ANKS1A: variants seen among roughly 807,000 people sequenced by gnomAD.
The protein encoded by ANKS1A is ankyrin repeat and sterile alpha motif domain containing 1A.
ANKS1A carries 55 observed loss-of-function variants against 120.3 expected under a neutral mutation model. That is an observed-to-expected ratio of 0.46 (90% CI 0.37 to 0.57). The LOEUF is 0.57. ANKS1A is among the 20% of genes least tolerant of loss of function. The pLI, the probability that ANKS1A is intolerant of heterozygous loss-of-function variation, is 0.00. For synonymous variants in ANKS1A, 590 were observed against 604.7 expected (o/e 0.98, Z 0.36); for missense variants, 1,123 against 1,480.3 (o/e 0.76, Z 3.96).
chr6:35,097,637 G>GAAAAAAA, the ANKS1A span, among the ~76,000 whole-genome samples: 36 of 89,666 alleles, frequency 4.0e-4, no homozygotes, highest in African/African-American at 5.2e-4. Context: ...AAAGCCAAAA[G>GAAAAAAA]AAAAAAAAAA....
intron 12 of ANKS1A, among the ~76,000 whole-genome samples, chr6:35,059,122 ACCT>A (rs1406341346): frequency 9.2e-5 from 14 of 152,186 alleles, no homozygotes. Flanking sequence ...CCTGCTTTCT[ACCT>A]GAGCAGGCAG....
At chr6:35,018,191 A>C in intron 11 of ANKS1A, 132 bp downstream of exon 11, 6 of 860,978 alleles carry the variant, frequency 7.0e-6, no homozygotes, top group East Asian at 2.5e-5. Flanking sequence ...TCCGTAACTA[A>C]TGTATTTCTG....
chr6:34,927,624 C>T (rs1488001980), intron 1 of ANKS1A, among the ~76,000 whole-genome samples: 1 of 152,098 alleles, frequency 6.6e-6, no homozygotes, highest in East Asian at 1.9e-4. Flanking sequence ...GATAGTTCAC[C>T]TCATTGGAGC....
At chr6:35,028,778 T>G (rs1158651733) in intron 11 of ANKS1A, among the ~76,000 whole-genome samples, 1 of 152,238 alleles carries the variant, frequency 6.6e-6, no homozygotes, top group Non-Finnish European at 1.5e-5. Flanking sequence ...TTCTTTTTTA[T>G]TGTTCATAAT....
intron 11 of ANKS1A, among the ~76,000 whole-genome samples, chr6:35,048,871 C>A (rs1203362358): frequency 6.6e-6 from 1 of 152,174 alleles, no homozygotes; most frequent in Non-Finnish European, 1.5e-5. Flanking sequence ...GCTCAGCCCC[C>A]GGCTCCTGGG....
intron 1 of ANKS1A, among the ~76,000 whole-genome samples, chr6:34,893,389 A>T (rs1475323200): frequency 3.9e-5 from 6 of 152,164 alleles, no homozygotes; most frequent in Non-Finnish European, 7.3e-5. Context: ...TTCCTGCCTC[A>T]GCCTCCCAAA....
At position 35,086,851 on chromosome 6, in the gene ANKS1A, A is replaced by G. The variant is rs1778018126; in HGVS notation, c.3304-101A>G. 8.3e-7 allele frequency: 1 copy of G among 1,203,402 alleles called. No individual in the cohort carries two copies. The highest frequency in any genetic ancestry group is 1.7e-5 in the Admixed American group (1 of 59,028). 74.5% of individuals were successfully genotyped at this position (1,203,402 alleles called of 1,614,324 possible). On this transcript the variant is annotated intron_variant, in intron 22 of 23. Transcript: ENST00000360359. The surrounding 1 kb of genome is among the most constrained non-coding windows in gnomAD (Gnocchi z 5.1). ...GAGGAGAATAAGGGCTGCCCCTCCC[A>G]GCACAGGGGCCACAGCCTGGCCTGG...
chr6:34,902,885 G>A (rs1481073891), intron 1 of ANKS1A, among the ~76,000 whole-genome samples: 2 of 148,538 alleles, frequency 1.3e-5, no homozygotes, highest in South Asian at 2.2e-4. Flanking sequence ...CATCATTTCC[G>A]GTTACCTTTC....
chr6:35,016,987 C>T (rs563927940), intron 10 of ANKS1A, among the ~76,000 whole-genome samples: 118 of 114,318 alleles, frequency 1.0e-3, no homozygotes, highest in African/African-American at 3.6e-3. Flanking sequence ...GAAGGGAGGG[C>T]GGGTGGCCTT....
chr6:34,998,929 G>C (rs1021127045), intron 10 of ANKS1A, among the ~76,000 whole-genome samples: 3 of 152,202 alleles, frequency 2.0e-5, no homozygotes, highest in Non-Finnish European at 4.4e-5. Flanking sequence ...ACATCCCTGC[G>C]GGGGACTCCA....
chr6:35,068,268 G>A (rs1215277997), intron 13 of ANKS1A, among the ~76,000 whole-genome samples: 4 of 152,082 alleles, frequency 2.6e-5, no homozygotes, highest in Non-Finnish European at 5.9e-5. Flanking sequence ...TAGGGAAGAG[G>A]TCGAGGGCCA....
chr6:35,073,206 C>T (rs1561956782), intron 13 of ANKS1A, among the ~76,000 whole-genome samples: 2 of 152,206 alleles, frequency 1.3e-5, no homozygotes, highest in Admixed American at 6.5e-5. Context: ...TCACACGTCA[C>T]CTCCCACAAA....
intron 1 of ANKS1A, among the ~76,000 whole-genome samples, chr6:34,960,439 G>A (rs1225021678): frequency 3.3e-5 from 5 of 152,122 alleles, no homozygotes; most frequent in South Asian, 2.1e-4. Context: ...CCTAGAAGGC[G>A]CACTTCACGT....
At chr6:34,927,893 A>G (rs1768794406) in intron 1 of ANKS1A, among the ~76,000 whole-genome samples, 1 of 152,174 alleles carries the variant, frequency 6.6e-6, no homozygotes, top group Non-Finnish European at 1.5e-5. Flanking sequence ...TACAACCAAG[A>G]GGAGCCCATT....
chr6:34,949,583 A>G, intron 1 of ANKS1A, among the ~76,000 whole-genome samples: 1 of 152,184 alleles, frequency 6.6e-6, no homozygotes, highest in South Asian at 2.1e-4. Context: ...ATAGGAAGGG[A>G]CAAATTTATG....
chr6:34,911,751 C>T (rs993890788), intron 1 of ANKS1A, among the ~76,000 whole-genome samples: 3 of 152,188 alleles, frequency 2.0e-5, no homozygotes, highest in African/African-American at 2.4e-5. Flanking sequence ...TGCCAACTCC[C>T]GATTTCCTGT....
intron 14 of ANKS1A, 129 bp from the exon 15 acceptor site, chr6:35,079,387 G>A: frequency 9.1e-7 from 1 of 1,101,168 alleles, no homozygotes; most frequent in Non-Finnish European, 1.3e-6. Flanking sequence ...GGGGCTGGAA[G>A]GTGCTGAGGA....
intron 2 of ANKS1A, among the ~76,000 whole-genome samples, chr6:34,969,563 C>T (rs1314352252): frequency 6.6e-6 from 1 of 152,208 alleles, no homozygotes; most frequent in Non-Finnish European, 1.5e-5. Flanking sequence ...CCTGCAGTAA[C>T]TTTTGTTCTG....
chr6:34,910,348 C>G (rs1407170696), intron 1 of ANKS1A, among the ~76,000 whole-genome samples: 1 of 151,984 alleles, frequency 6.6e-6, no homozygotes, highest in Admixed American at 6.5e-5. Context: ...GAGGATTGCT[C>G]GAGCTCAGGA....
Sources: gnomAD v4.1 joint callset for allele counts (sites outside exome capture counted in the v4.1 genomes callset) on GRCh38, gnomAD v4.1.1 for gene constraint, Gnocchi (gnomAD v3.1) non-coding constraint, MANE v1.5 for transcripts, NCBI Gene and HGNC (gene_info 2026-07-23, HGNC 2026-07-21) for gene names.